The following FAF2 variants were observed in gnomAD, a reference collection of about 807,000 sequenced individuals.
FAF2 encodes the protein Fas associated factor family member 2.
FAF2 carries 9 observed loss-of-function variants against 62.3 expected under a neutral mutation model. That is an observed-to-expected ratio of 0.14 (90% CI 0.09 to 0.25). FAF2 has a LOEUF of 0.25. Ranked by LOEUF, FAF2 falls within the 10% of genes least tolerant of loss-of-function variation. The pLI is 1.00. For missense variants in FAF2, 368 were observed against 556.2 expected, an observed-to-expected ratio of 0.66 and a Z score of 3.40; for synonymous variants, 202 against 198.0, an observed-to-expected ratio of 1.02 and a Z score of -0.17.
At chr5:176,496,406 C>G in intron 7 of FAF2, 80 bp from the exon 8 acceptor site, 2 of 1,159,828 alleles carry the variant, frequency 1.7e-6, no homozygotes, top group Non-Finnish European at 2.4e-6. Flanking sequence ...ACAGTTCTCT[C>G]TCACTCATTG....
At chr5:176,489,504 C>G (rs924048500) in intron 4 of FAF2, among the ~76,000 whole-genome samples, 1 of 152,096 alleles carries the variant, frequency 6.6e-6, no homozygotes, top group African/African-American at 2.4e-5. Flanking sequence ...TTGGACCTCC[C>G]TAGACACTCC....
At chr5:176,459,808 T>C (rs1758344140) in intron 1 of FAF2, among the ~76,000 whole-genome samples, 1 of 152,148 alleles carries the variant, frequency 6.6e-6, no homozygotes, top group Non-Finnish European at 1.5e-5. Flanking sequence ...GGATTTGTTG[T>C]ATGAATGATC....
rs1176183948 is a variant in FAF2, at chr5:176,508,210, A to G, written c.*1260A>G. On this transcript the variant is annotated 3_prime_UTR_variant, in exon 11 of 11. Transcript: ENST00000261942. The stretch of plus-strand genomic sequence containing the variant: ...TGTTGAAGTAATAGGGTTTTTTTTA[A>G]CCTCTGGATGTCTCGTCTGTGGTTG... The G allele has an allele frequency of 1.3e-5, 2 of 151,032 alleles. No homozygotes were observed. Among genetic ancestry groups the G allele is most frequent in the Non-Finnish European group, 3.0e-5 (2 of 67,640 alleles). 9.4% of individuals were successfully genotyped at this position (151,032 alleles called of 1,614,324 possible). A position where few individuals can be genotyped will look rare whatever the true frequency, so the allele number is the denominator to read the frequency against.
chr5:176,502,351 C>T (rs917795761), intron 10 of FAF2, among the ~76,000 whole-genome samples: 2 of 152,086 alleles, frequency 1.3e-5, no homozygotes, highest in Non-Finnish European at 1.5e-5. Context: ...GAGGCCGAGG[C>T]AGGCGGATCA....
chr5:176,454,382 C>T (rs1010943122), intron 1 of FAF2, among the ~76,000 whole-genome samples: 2 of 148,406 alleles, frequency 1.3e-5, no homozygotes, highest in Non-Finnish European at 3.0e-5. Context: ...CAACAGAGTG[C>T]GACTCCGTCT....
At chr5:176,503,005 G>A (rs544986252) in intron 10 of FAF2, among the ~76,000 whole-genome samples, 9 of 151,758 alleles carry the variant, frequency 5.9e-5, no homozygotes, top group South Asian at 2.1e-4. Context: ...CCGAGACTGC[G>A]CCATTGCACT....
chr5:176,457,653 GGT>G (rs34549094), intron 1 of FAF2, among the ~76,000 whole-genome samples: 33 of 150,076 alleles, frequency 2.2e-4, no homozygotes, highest in East Asian at 5.9e-4. Flanking sequence ...TGTTTTCAGG[GGT>G]GTGTGTGTGT....
At chr5:176,473,465 A>G (rs1000714660) in intron 1 of FAF2, among the ~76,000 whole-genome samples, 5 of 152,182 alleles carry the variant, frequency 3.3e-5, no homozygotes, top group Non-Finnish European at 7.3e-5. Context: ...TTGATCACCT[A>G]GCTGCAGTAG....
At chr5:176,467,129 CTTTTTTTTTTT>C (rs374702773) in intron 1 of FAF2, among the ~76,000 whole-genome samples, 2 of 94,036 alleles carry the variant, frequency 2.1e-5, no homozygotes, top group Non-Finnish European at 1.9e-5. Flanking sequence ...TTTTTTTTTC[CTTTTTTTTTTT>C]TTTTTTTTTT....
At chr5:176,466,871 T>TA (rs1322553013) in intron 1 of FAF2, among the ~76,000 whole-genome samples, 2 of 148,330 alleles carry the variant, frequency 1.3e-5, no homozygotes, top group Non-Finnish European at 2.9e-5. Flanking sequence ...TGCATTTTAC[T>TA]AGAGATTGAT....
At chr5:176,481,186 A>G (rs1437881035) in intron 2 of FAF2, among the ~76,000 whole-genome samples, 1 of 152,072 alleles carries the variant, frequency 6.6e-6, no homozygotes, top group Non-Finnish European at 1.5e-5. Context: ...AGCTGGGATT[A>G]TAGGTGTGCA....
intron 1 of FAF2, among the ~76,000 whole-genome samples, chr5:176,468,456 C>T (rs920514949): frequency 1.3e-5 from 2 of 151,974 alleles, no homozygotes; most frequent in Admixed American, 6.6e-5. Flanking sequence ...TGGTCGTGGG[C>T]GCCTGCAGTC....
At chr5:176,458,109 A>G (rs78249277) in intron 1 of FAF2, among the ~76,000 whole-genome samples, 1,925 of 152,046 alleles carry the variant, frequency 0.013, 45 homozygotes, top group African/African-American at 0.044. Flanking sequence ...CTTCCTTGAC[A>G]GAGTATCTGT....
chr5:176,451,100 GT>G (rs1246502781), intron 1 of FAF2, among the ~76,000 whole-genome samples: 4 of 152,130 alleles, frequency 2.6e-5, no homozygotes, highest in African/African-American at 9.7e-5. Context: ...ACCATGTGTG[GT>G]GGCTCATGCT....
intron 4 of FAF2, among the ~76,000 whole-genome samples, chr5:176,490,493 C>G (rs953164387): frequency 6.8e-6 from 1 of 146,680 alleles, no homozygotes; most frequent in East Asian, 2.0e-4. Context: ...AGTACAGGTT[C>G]CCTGTACTTC....
chr5:176,481,529 C>T (rs1027654259), intron 2 of FAF2, among the ~76,000 whole-genome samples: 5 of 151,910 alleles, frequency 3.3e-5, no homozygotes, highest in Non-Finnish European at 5.9e-5. Context: ...TGGTGGTGGG[C>T]GCCTGTAGTC....
rs967486138 is a variant in FAF2, at chr5:176,449,467, C to T, written c.63+997C>T. 1.5e-4 allele frequency among the ~76,000 whole-genome samples: 23 copies of T among 151,924 alleles called. 1 individual carries two copies. Among genetic ancestry groups the T allele is most frequent in the Non-Finnish European group, 2.9e-5 (2 of 67,996 alleles). On this transcript the variant is annotated intron_variant, in intron 1 of 10. Coordinates refer to ENST00000261942, the MANE Select transcript of FAF2 (RefSeq NM_014613.3). Reference sequence around the variant, plus strand: ...GTGCACGCCTGTGGTCCCAGCTACTCGGGAGGCTAAGGCAGGAGACTCGCT... The same window carrying T: ...GTGCACGCCTGTGGTCCCAGCTACTTGGGAGGCTAAGGCAGGAGACTCGCT...
chr5:176,499,833 CAT>C (rs1203910317), intron 9 of FAF2, among the ~76,000 whole-genome samples, 168 bp from the exon 10 acceptor site: 1 of 152,144 alleles, frequency 6.6e-6, no homozygotes, highest in African/African-American at 2.4e-5. Context: ...ATAAAGAATA[CAT>C]GAGATGCAAT....
rs754276790 is a variant in FAF2, at chr5:176,486,351, T to C, written c.133-4T>C. 6.2e-7 allele frequency: 1 copy of C among 1,610,420 alleles called. No individual in the cohort carries two copies. Among genetic ancestry groups the C allele is most frequent in the East Asian group, 2.2e-5 (1 of 44,874 alleles). Reference sequence around the variant, plus strand: ...AACTCTTGCCACTCCGTTTTCCTTCTCAGGCTGCTGTACAGGACAGATTGA... The same window carrying C: ...AACTCTTGCCACTCCGTTTTCCTTCCCAGGCTGCTGTACAGGACAGATTGA... On this transcript the variant is annotated splice_polypyrimidine_tract_variant and splice_region_variant and intron_variant, in intron 2 of 10. Transcript: ENST00000261942.
Sources: allele counts gnomAD v4.1 joint callset (sites outside exome capture counted in the v4.1 genomes callset), GRCh38; gene constraint gnomAD v4.1.1; transcripts MANE v1.5; gene names NCBI Gene and HGNC (gene_info 2026-07-23, HGNC 2026-07-21).